ACAP2: variants seen among roughly 807,000 people sequenced by gnomAD.
The protein encoded by ACAP2 is arf-GAP with coiled-coil, ANK repeat and PH domain-containing protein 2.
Under a neutral mutation model 115.8 loss-of-function variants are expected in ACAP2, and 39 were observed. That is an observed-to-expected ratio of 0.34 (90% CI 0.26 to 0.44). The LOEUF (loss-of-function observed/expected upper bound fraction) is 0.44. ACAP2 is among the 20% of genes least tolerant of loss of function. The pLI, the probability that ACAP2 is intolerant of heterozygous loss-of-function variation, is 1.00. For missense variants in ACAP2, 662 were observed against 927.6 expected (o/e 0.71, Z 3.72); for synonymous variants, 289 against 315.8 (o/e 0.92, Z 0.90).
At chr3:195,311,567 C>G (rs1240203575) in intron 10 of ACAP2, among the ~76,000 whole-genome samples, 1 of 152,180 alleles carries the variant, frequency 6.6e-6, no homozygotes, top group Non-Finnish European at 1.5e-5. Context: ...GATGGAGTCT[C>G]ACTCTGTTGC....
chr3:195,409,240 A>T (rs1188400905), intron 1 of ACAP2, among the ~76,000 whole-genome samples: 1 of 152,248 alleles, frequency 6.6e-6, no homozygotes, highest in African/African-American at 2.4e-5. Context: ...AATTCCTCAA[A>T]GTAGCAGGAT....
At chr3:195,345,988 G>A (rs1020989809) in intron 4 of ACAP2, among the ~76,000 whole-genome samples, 1 of 152,076 alleles carries the variant, frequency 6.6e-6, no homozygotes, top group Non-Finnish European at 1.5e-5. Flanking sequence ...ACTTCATTCA[G>A]AGTTTGAAAT....
In ACAP2 at chr3:195,307,234, G is replaced by C; in HGVS notation, c.999C>G (p.Val333=). ...DIERRFCFEV[V]SPTKSCMLQA... is the part of the protein sequence containing the mutation. ...TTAGAACCACTTACTTTGTTGGCGA[G>C]ACCACCTCAAAGCAGAATCGTCGCT... Residue 333 remains valine, a synonymous_variant, in exon 12 of 23, where the codon GTC becomes GTG. Transcript: ENST00000326793. 1 of 1,612,770 alleles carries C rather than the reference G, an allele frequency of 6.2e-7. No individual in the cohort carries two copies.
chr3:195,424,915 TA>T (rs34038109), intron 1 of ACAP2, among the ~76,000 whole-genome samples: 609 of 55,608 alleles, frequency 0.011, 6 homozygotes, highest in African/African-American at 0.036. Context: ...GACCCTGTCT[TA>T]AAAAAAAAAA....
Position 195,291,700 on chromosome 3 carries a change from A to G in ACAP2, c.2063+6T>C. 3 of 1,599,568 alleles carry G rather than the reference A, an allele frequency of 1.9e-6. No individual in the cohort carries two copies. The highest frequency in any genetic ancestry group is 2.6e-6 in the Non-Finnish European group (3 of 1,174,290). ...GTCTCCTTAAATATGAAAGCACTGC[A>G]GTTACCCTGTGTGCCCTAAGACGGT... On this transcript the variant is annotated splice_donor_region_variant and intron_variant, in intron 20 of 22. Transcript: ENST00000326793.
Position 195,304,163 on chromosome 3 carries a change from C to CAAA in ACAP2, c.1117-1992_1117-1990dup, listed in dbSNP as rs56055597. Among the ~76,000 whole-genome samples the CAAA allele has an allele frequency of 3.7e-3, 237 of 63,270 alleles. 11 individuals carry two copies. Among genetic ancestry groups the CAAA allele is most frequent in the Non-Finnish European group, 4.4e-3 (168 of 38,126 alleles). 41.5% of individuals were successfully genotyped at this position (63,270 alleles called of 152,430 possible). ...TGGGCAATGGAGTGAGACTCCATCTCAAAAAAAAAAAAAAAAAAAAAAAAA... is the reference window on the plus strand; with the variant it reads ...TGGGCAATGGAGTGAGACTCCATCTCAAAAAAAAAAAAAAAAAAAAAAAAAAAA... On this transcript the variant is annotated intron_variant, in intron 13 of 22. Transcript: ENST00000326793.
intron 4 of ACAP2, among the ~76,000 whole-genome samples, chr3:195,359,617 G>A (rs1246158226): frequency 2.0e-5 from 3 of 152,180 alleles, no homozygotes; most frequent in Admixed American, 6.5e-5. Context: ...ACAGGCGCCC[G>A]CCACCACGCC....
intron 4 of ACAP2, among the ~76,000 whole-genome samples, chr3:195,378,711 A>C (rs1051539398): frequency 3.3e-5 from 5 of 151,678 alleles, no homozygotes; most frequent in Non-Finnish European, 7.4e-5. Context: ...AAATACAAAA[A>C]TTAGCCAGGC....
chr3:195,401,821 G>A (rs1712328170), intron 1 of ACAP2, among the ~76,000 whole-genome samples: 1 of 152,174 alleles, frequency 6.6e-6, no homozygotes, highest in South Asian at 2.1e-4. Flanking sequence ...TAAAGCAGCT[G>A]TGTTTAAAAA....
rs139941261 is a variant in ACAP2 at position 195,337,694 on chromosome 3, G to A, written c.529-718C>T. Among the ~76,000 whole-genome samples the A allele has an allele frequency of 1.1e-4, 17 of 152,144 alleles. No individual in the cohort carries two copies. The East Asian group carries it at 2.3e-3, about 21-fold the overall frequency. On this transcript the variant is annotated intron_variant, in intron 6 of 22. Coordinates refer to ENST00000326793, the MANE Select transcript of ACAP2 (RefSeq NM_012287.6). The stretch of plus-strand genomic sequence containing the variant: ...ACTCCTGACCTCAAGTGATCCACCC[G>A]CCTTGGCCTCCCAAAGTGCTGGAAC...
intron 4 of ACAP2, among the ~76,000 whole-genome samples, chr3:195,350,804 T>C (rs75347135): frequency 0.026 from 3,931 of 151,950 alleles, 148 homozygotes; most frequent in African/African-American, 0.086. Context: ...ATGCAAAGAA[T>C]TTAATAATAA....
chr3:195,431,978 T>C (rs1027798365), intron 1 of ACAP2, among the ~76,000 whole-genome samples: 6 of 152,220 alleles, frequency 3.9e-5, no homozygotes, highest in African/African-American at 1.4e-4. Flanking sequence ...CATATTTTCA[T>C]GTGCTTATTG....
intron 10 of ACAP2, among the ~76,000 whole-genome samples, chr3:195,310,147 A>C (rs1728671429): frequency 6.6e-6 from 1 of 152,198 alleles, no homozygotes; most frequent in Non-Finnish European, 1.5e-5. Flanking sequence ...TTAAAAATTA[A>C]GTTAATTATC....
chr3:195,297,374 C>A, intron 15 of ACAP2, 93 bp from the exon 16 acceptor site: 3 of 1,023,492 alleles, frequency 2.9e-6, no homozygotes, highest in Non-Finnish European at 4.3e-6. Context: ...GTACAGTTAA[C>A]TAATCCCCTT....
At chr3:195,353,238 T>C (rs1010348745) in intron 4 of ACAP2, among the ~76,000 whole-genome samples, 14 of 152,118 alleles carry the variant, frequency 9.2e-5, no homozygotes, top group African/African-American at 3.4e-4. Flanking sequence ...GGCAATCTCA[T>C]GAAATTCCTG....
chr3:195,301,616 G>T lies in ACAP2; in HGVS notation c.1354C>A (p.Arg452=), dbSNP rs1180810926. Reference sequence around the variant, plus strand: ...TCCCAGGTGTCTAAAGTTAAAGATCGTACTTTTGAAAAATGAACCCCAAGG... The same window carrying T: ...TCCCAGGTGTCTAAAGTTAAAGATCTTACTTTTGAAAAATGAACCCCAAGG... ...RSLGVHFSKV[R]SLTLDTWEPE... is the part of the protein sequence containing the mutation. Residue 452 remains arginine, a synonymous_variant, in exon 15 of 23, where the codon CGA becomes AGA. Transcript: ENST00000326793. 6.2e-7 allele frequency: 1 copy of T among 1,613,124 alleles called. No individual in the cohort carries two copies. Among genetic ancestry groups the T allele is most frequent in the Non-Finnish European group, 8.5e-7 (1 of 1,179,816 alleles).
At chr3:195,423,857 A>G (rs1714392819) in intron 1 of ACAP2, among the ~76,000 whole-genome samples, 1 of 152,086 alleles carries the variant, frequency 6.6e-6, no homozygotes, top group Non-Finnish European at 1.5e-5. Flanking sequence ...CTTAGCACAC[A>G]TGTAGAAATG....
intron 1 of ACAP2, among the ~76,000 whole-genome samples, chr3:195,416,554 C>T (rs188159241): frequency 1.2e-3 from 186 of 152,170 alleles, no homozygotes; most frequent in African/African-American, 4.1e-3. Flanking sequence ...GGCACATACC[C>T]TTCAACTTGG....
intron 4 of ACAP2, among the ~76,000 whole-genome samples, chr3:195,359,713 C>T (rs1325241474): frequency 1.3e-5 from 2 of 152,136 alleles, no homozygotes; most frequent in Admixed American, 6.5e-5. Context: ...ATGATCCGCC[C>T]GCCCCAGCCT....
Sources: allele counts gnomAD v4.1 joint callset (sites outside exome capture counted in the v4.1 genomes callset), GRCh38; gene constraint gnomAD v4.1.1; transcripts MANE v1.5; gene names NCBI Gene and HGNC (gene_info 2026-07-23, HGNC 2026-07-21).